CUX2: variants seen among roughly 807,000 people sequenced by gnomAD.
CUX2 encodes cut like homeobox 2.
In CUX2, 40 loss-of-function variants were observed where a neutral mutation model predicts 144.8. The observed-to-expected ratio is 0.28, with a 90% CI of 0.21 to 0.36. The LOEUF is 0.36. CUX2 is among the 10% of genes least tolerant of loss of function. CUX2 has a pLI of 1.00. For synonymous variants in CUX2, 827 were observed against 875.6 expected (o/e 0.94, Z 0.98); for missense variants, 1,615 against 1,994.0 (o/e 0.81, Z 3.62).
chr12:111,120,835 T>C (rs982037397), intron 1 of CUX2, among the ~76,000 whole-genome samples: 1 of 152,192 alleles, frequency 6.6e-6, no homozygotes, highest in African/African-American at 2.4e-5. Flanking sequence ...GAGAGGATTA[T>C]GTTGCCTTGC....
intron 1 of CUX2, among the ~76,000 whole-genome samples, chr12:111,205,540 C>T (rs1880870249): frequency 6.6e-6 from 1 of 152,202 alleles, no homozygotes; most frequent in Non-Finnish European, 1.5e-5. Flanking sequence ...TGAACAAGAA[C>T]TGTATCACCC....
chr12:111,168,665 G>A (rs1878313650), intron 1 of CUX2, among the ~76,000 whole-genome samples: 1 of 152,192 alleles, frequency 6.6e-6, no homozygotes, highest in Non-Finnish European at 1.5e-5. Context: ...GTGTCATATT[G>A]GGATTGTATT....
At position 111,347,758 on chromosome 12, in the gene CUX2, C is replaced by T; in HGVS notation, c.3894C>T (p.Ile1298=). The T allele has an allele frequency of 1.9e-6, 3 of 1,613,828 alleles. No homozygotes were observed. Among genetic ancestry groups the T allele is most frequent in the South Asian group, 2.2e-5 (2 of 91,058 alleles). The change falls in exon 22 of 22, where the codon ATC becomes ATT. Residue 1298 remains isoleucine, a synonymous_variant. Transcript: ENST00000261726. ...CCCAGGACAAGGCCCAAGTGAGGAT[C>T]AAGCAGGAACAGATGGAGGAGGATG... is the stretch of plus-strand genomic sequence containing the variant. The part of the protein sequence containing the change: ...LTTQDKAQVR[I]KQEQMEEDAE...
intron 1 of CUX2, among the ~76,000 whole-genome samples, chr12:111,167,790 G>A (rs1454666036): frequency 1.3e-5 from 2 of 152,104 alleles, no homozygotes; most frequent in African/African-American, 2.4e-5. Context: ...TGCTTCCTGA[G>A]TTCAAGTGAT....
chr12:111,134,971 G>A (rs1297604439), intron 1 of CUX2, among the ~76,000 whole-genome samples: 1 of 152,142 alleles, frequency 6.6e-6, no homozygotes, highest in Admixed American at 6.5e-5. Flanking sequence ...TTTCCCTTGA[G>A]GGCCACAGAA....
intron 1 of CUX2, among the ~76,000 whole-genome samples, chr12:111,193,344 A>G (rs904734316): frequency 3.9e-5 from 6 of 152,254 alleles, no homozygotes; most frequent in Non-Finnish European, 8.8e-5. Flanking sequence ...ACAGCAAAAC[A>G]ATTTGAAATA....
intron 16 of CUX2, among the ~76,000 whole-genome samples, chr12:111,318,238 CTTTTTTCTTTTTT>C (rs1887296055): frequency 9.1e-6 from 1 of 109,656 alleles, no homozygotes; most frequent in African/African-American, 4.8e-5. Context: ...ATTTTTTTTT[CTTTTTTCTTTTTT>C]TTTTTTTTTT....
chr12:111,137,364 T>TTGTTGTTGTTGTTGTTGTTGTTG (rs146487590), intron 1 of CUX2, among the ~76,000 whole-genome samples: 27 of 148,558 alleles, frequency 1.8e-4, no homozygotes, highest in African/African-American at 6.8e-4. Flanking sequence ...GTTGTTGTTG[T>TTGTTGTTGTTGTTGTTGTTGTTG]TTGTTGATGT....
Position 111,035,497 on chromosome 12 carries a change from G to C in CUX2, c.63+1257G>C, listed in dbSNP as rs1352076770. Reference sequence around the variant, plus strand: ...GTCTCGCAAAGTCTCGGCGGGTGCGGCGGGGATCAGGGGCGGGAAAATGGT... The same window carrying C: ...GTCTCGCAAAGTCTCGGCGGGTGCGCCGGGGATCAGGGGCGGGAAAATGGT... On this transcript the variant is annotated intron_variant, in intron 1 of 21. Coordinates refer to ENST00000261726, the MANE Select transcript of CUX2 (RefSeq NM_015267.4). The surrounding 1 kb of genome is among the most constrained non-coding windows in gnomAD (Gnocchi z 6.0). Among the ~76,000 whole-genome samples, 2 of 152,202 alleles carry C rather than the reference G, an allele frequency of 1.3e-5. No individual in the cohort carries two copies. The highest frequency in any genetic ancestry group is 2.9e-5 in the Non-Finnish European group (2 of 68,038).
intron 1 of CUX2, among the ~76,000 whole-genome samples, chr12:111,201,208 T>C (rs568491867): frequency 6.6e-6 from 1 of 152,156 alleles, no homozygotes; most frequent in Admixed American, 6.5e-5. Context: ...TCCTGCCTGA[T>C]GCCTCCACCC....
chr12:111,045,553 C>A (rs1012880215), intron 1 of CUX2, among the ~76,000 whole-genome samples: 1 of 152,124 alleles, frequency 6.6e-6, no homozygotes, highest in Non-Finnish European at 1.5e-5. Flanking sequence ...ATGTTGTGAG[C>A]CTTTCCTAAT....
chr12:111,103,313 G>T lies in CUX2; in HGVS notation c.63+69073G>T, dbSNP rs1433635089. On this transcript the variant is annotated intron_variant, in intron 1 of 21. Coordinates refer to ENST00000261726, the MANE Select transcript of CUX2 (RefSeq NM_015267.4). ...CGCCTGATGGAAGCATCTTCCCTTT[G>T]CAGAGTTGTTCCTGGGTGCTGGGAA... 2.0e-5 allele frequency among the ~76,000 whole-genome samples: 3 copies of T among 152,190 alleles called. No homozygotes were observed. The East Asian group carries it at 5.8e-4, about 29-fold the overall frequency.
chr12:111,321,240 G>A (rs901522837), intron 17 of CUX2, among the ~76,000 whole-genome samples: 14 of 152,048 alleles, frequency 9.2e-5, no homozygotes, highest in Non-Finnish European at 2.1e-4. Context: ...AGGCTGAGGC[G>A]GGCAGATCAT....
chr12:111,204,458 G>A (rs758528108), intron 1 of CUX2, among the ~76,000 whole-genome samples: 2 of 152,236 alleles, frequency 1.3e-5, no homozygotes, highest in African/African-American at 4.8e-5. Context: ...TGGATGGACA[G>A]ACAGATGGAC....
Position 111,306,947 on chromosome 12 carries a change from G to C in CUX2, c.885G>C (p.Ser295=), listed in dbSNP as rs200854950. The change falls in exon 11 of 22, where the codon TCG becomes TCC. Residue 295 remains serine (S), a synonymous_variant. Transcript: ENST00000261726. The stretch of plus-strand genomic sequence containing the variant: ...ATAAGGTGAACTTCACTCTGTGCTC[G>C]GGCCCTCGGCTGGAGGCCGCGCTGG... ...SGDKVNFTLC[S]GPRLEAALAS... 1.6e-5 allele frequency: 26 copies of C among 1,611,744 alleles called. No individual in the cohort carries two copies. Among genetic ancestry groups the C allele is most frequent in the Admixed American group, 3.3e-5 (2 of 59,802 alleles).
At position 111,293,321 on chromosome 12, in the gene CUX2, T is replaced by C; in HGVS notation, c.437-125T>C. ...GGCCCGCAGGGCCCCACAGCTGCGC[T>C]CTCTCCAAGGCCCAAGTTTGGGAAA... On this transcript the variant is annotated intron_variant, in intron 5 of 21. Coordinates refer to ENST00000261726, the MANE Select transcript of CUX2 (RefSeq NM_015267.4). This position sits in a 1 kb window ranked among gnomAD's most constrained non-coding sequence, Gnocchi z 4.5. 7.1e-7 allele frequency: 1 copy of C among 1,408,970 alleles called. No homozygotes were observed. The highest frequency in any genetic ancestry group is 9.4e-7 in the Non-Finnish European group (1 of 1,063,904). The allele number at this position is 1,408,970 out of a possible 1,614,324, so 87.3% of individuals were successfully genotyped here.
intron 1 of CUX2, among the ~76,000 whole-genome samples, chr12:111,091,509 G>A (rs1872549734): frequency 6.6e-6 from 1 of 152,082 alleles, no homozygotes; most frequent in African/African-American, 2.4e-5. Context: ...CAACTGATGG[G>A]GCCCACTTCA....
In CUX2 at chr12:111,199,863, CTG is replaced by C. The variant is rs564311791; in HGVS notation, c.64-14331_64-14330del. 1.2e-4 allele frequency among the ~76,000 whole-genome samples: 18 copies of C among 151,894 alleles called. No individual in the cohort carries two copies. In the South Asian group the frequency reaches 3.8e-3, roughly 32 times the overall value. On this transcript the variant is annotated intron_variant, in intron 1 of 21. Transcript: ENST00000261726. ...TGTGTCTGTGTGTGCATTTATGTGT[CTG>C]TGTGTATTTATGTCTCGTGTGTCTG... is the stretch of plus-strand genomic sequence containing the variant.
In CUX2 at chr12:111,310,502, C is replaced by T; in HGVS notation, c.1720C>T (p.Arg574Trp). The change falls in exon 15 of 22, where the codon CGG (arginine) becomes TGG (tryptophan). Residue 574 changes from arginine (R) to tryptophan (W), a missense_variant. Arg to Trp is a moderately radical substitution (Grantham distance 101). This residue lies in a region of CUX2 where 71 missense variants were observed against 142.3 expected (regional missense o/e 0.50). Coordinates refer to ENST00000261726, the MANE Select transcript of CUX2 (RefSeq NM_015267.4). The surrounding 1 kb of genome is among the most constrained non-coding windows in gnomAD (Gnocchi z 7.9). ...GCTGCTGAAACACAACATCGGGCAGCGGGTGTTTGGGCATTACGTGCTGGG... is the reference window on the plus strand; with the variant it reads ...GCTGCTGAAACACAACATCGGGCAGTGGGTGTTTGGGCATTACGTGCTGGG... ...EQLLKHNIGQ[R>W]VFGHYVLGLS... The T allele has an allele frequency of 6.2e-7, 1 of 1,614,026 alleles. No homozygotes were observed.
Sources: gnomAD v4.1 joint callset for allele counts (sites outside exome capture counted in the v4.1 genomes callset) on GRCh38, gnomAD v4.1.1 for gene constraint, gnomAD v4.1.1 regional missense constraint, Gnocchi (gnomAD v3.1) non-coding constraint, MANE v1.5 for transcripts, NCBI Gene and HGNC (gene_info 2026-07-23, HGNC 2026-07-21) for gene names.